FBXL13: variants seen among roughly 807,000 people sequenced by gnomAD.
FBXL13 encodes the protein F-box and leucine-rich repeat protein 13.
A neutral mutation model predicts 83.6 loss-of-function variants in FBXL13; 67 were observed. The observed-to-expected ratio is 0.80, with a 90% CI of 0.66 to 0.98. The LOEUF (loss-of-function observed/expected upper bound fraction) is 0.98, where lower values mean the gene tolerates loss of function less well. Among genes scored for constraint, FBXL13 ranks in the 50% least tolerant of loss-of-function variants. FBXL13 has a pLI of 0.00. For missense variants in FBXL13, 822 were observed against 866.5 expected, an observed-to-expected ratio of 0.95 and a Z score of 0.64; for synonymous variants, 272 against 299.5, an observed-to-expected ratio of 0.91 and a Z score of 0.95.
chr7:103,024,154 A>T (rs1793566472), intron 6 of FBXL13, among the ~76,000 whole-genome samples: 1 of 133,096 alleles, frequency 7.5e-6, no homozygotes, highest in African/African-American at 3.6e-5. Context: ...AGAGAGAGAG[A>T]GAGAGAGAGA....
chr7:102,956,657 C>T (rs958146419), intron 8 of FBXL13, among the ~76,000 whole-genome samples: 3 of 152,168 alleles, frequency 2.0e-5, no homozygotes, highest in Admixed American at 1.3e-4. Context: ...CCCAAAATCT[C>T]CTTAAGGTGA....
chr7:102,905,258 C>G (rs1470986096), intron 11 of FBXL13, among the ~76,000 whole-genome samples: 1 of 152,164 alleles, frequency 6.6e-6, no homozygotes, highest in East Asian at 1.9e-4. Flanking sequence ...CTCTCCAGCA[C>G]TAATAATATT....
At chr7:103,024,857 A>ATAT (rs1298384907) in intron 6 of FBXL13, among the ~76,000 whole-genome samples, 44 of 62,846 alleles carry the variant, frequency 7.0e-4, no homozygotes, top group African/African-American at 1.5e-3. Context: ...ATATATATAT[A>ATAT]TTTTTTTTTT....
chr7:102,830,952 A>G (rs891721682), intron 18 of FBXL13, among the ~76,000 whole-genome samples: 4 of 152,230 alleles, frequency 2.6e-5, no homozygotes, highest in Non-Finnish European at 5.9e-5. Context: ...TTTGTTCACG[A>G]TTAAGAGTGG....
rs980032044 is a variant in FBXL13, at chr7:103,029,713, A to G, written c.1-295T>C. On this transcript the variant is annotated intron_variant, in intron 2 of 19. Coordinates refer to ENST00000313221, the Ensembl canonical transcript of FBXL13. ...CATTGTTATGATAAGCTATATTTAT[A>G]ATAGTATAGAATTGCAGTTCTGCTG... is the stretch of plus-strand genomic sequence containing the variant. 2.6e-5 allele frequency among the ~76,000 whole-genome samples: 4 copies of G among 152,286 alleles called. No homozygotes were observed. In the East Asian group the frequency reaches 7.7e-4, roughly 29 times the overall value.
chr7:103,011,462 C>A (rs1186379367), intron 6 of FBXL13, among the ~76,000 whole-genome samples: 1 of 151,790 alleles, frequency 6.6e-6, no homozygotes, highest in Non-Finnish European at 1.5e-5. Context: ...TGGTGAAACC[C>A]CATCTCTACT....
chr7:102,968,049 C>A (rs759204962), exon 7 of FBXL13: 1 of 1,613,770 alleles, frequency 6.2e-7, no homozygotes, highest in East Asian at 2.2e-5. Context: ...TTAGTTGTGT[C>A]ATCAACATCC....
At chr7:103,004,971 T>C (rs1161351770) in intron 6 of FBXL13, among the ~76,000 whole-genome samples, 2 of 152,232 alleles carry the variant, frequency 1.3e-5, no homozygotes, top group South Asian at 2.1e-4. Flanking sequence ...ATTTTACATA[T>C]GCCTGTAAAT....
intron 18 of FBXL13, among the ~76,000 whole-genome samples, chr7:102,825,452 C>T (rs1333087299): frequency 6.6e-6 from 1 of 152,164 alleles, no homozygotes; most frequent in Non-Finnish European, 1.5e-5. Context: ...AGAAGGTTCT[C>T]CACCAAATGC....
intron 1 of FBXL13, among the ~76,000 whole-genome samples, chr7:103,059,454 C>T (rs1057327150): frequency 6.6e-6 from 1 of 152,060 alleles, no homozygotes; most frequent in African/African-American, 2.4e-5. Flanking sequence ...ATCACAAAAC[C>T]ATTAACTTAG....
intron 6 of FBXL13, among the ~76,000 whole-genome samples, chr7:103,024,182 A>AGAGAGAGG: frequency 7.2e-6 from 1 of 139,224 alleles, no homozygotes; most frequent in South Asian, 2.4e-4. Flanking sequence ...AGAGAGAGAG[A>AGAGAGAGG]GAGAAATAAT....
chr7:102,897,041 T>C (rs1812336562), intron 11 of FBXL13, among the ~76,000 whole-genome samples: 1 of 151,804 alleles, frequency 6.6e-6, no homozygotes, highest in Non-Finnish European at 1.5e-5. Context: ...GAGTCTAAAT[T>C]TTGAGAGAAA....
chr7:102,995,179 G>C (rs1009541958), intron 6 of FBXL13, among the ~76,000 whole-genome samples: 1 of 152,094 alleles, frequency 6.6e-6, no homozygotes, highest in African/African-American at 2.4e-5. Flanking sequence ...TGGGGTGAGA[G>C]AAGGCATTAA....
chr7:102,961,385 A>G (rs1763996328), intron 8 of FBXL13, among the ~76,000 whole-genome samples: 1 of 150,970 alleles, frequency 6.6e-6, no homozygotes, highest in South Asian at 2.1e-4. Flanking sequence ...AGGAAGAATC[A>G]ATATCGTGAA....
rs146927419 is a variant in FBXL13, at chr7:102,963,565, C to G, written c.692G>C (p.Cys231Ser). Residue 231 changes from cysteine to serine, a missense_variant, in exon 8 of 20, where the codon TGT becomes TCT. Cys to Ser is a moderately radical substitution (Grantham distance 112). Coordinates refer to ENST00000313221, the Ensembl canonical transcript of FBXL13. ...TCTGAAAGTTTTGGGTCGGAGAAGACAACCACGAAAATTCAAACGCAGCAC... is the reference window on the plus strand; with the variant it reads ...TCTGAAAGTTTTGGGTCGGAGAAGAGAACCACGAAAATTCAAACGCAGCAC... The G allele has an allele frequency of 2.5e-4, 402 of 1,612,864 alleles. 2 individuals carry two copies. The highest frequency in any genetic ancestry group is 1.3e-3 in the Admixed American group (75 of 59,744).
rs760254351 is a variant in FBXL13, at chr7:102,833,086, T to C, written c.1720-112A>G. 6.7e-5 allele frequency: 74 copies of C among 1,100,424 alleles called. No homozygotes were observed. In the Middle Eastern group the frequency reaches 1.6e-3, roughly 24 times the overall value. 68.2% of individuals were successfully genotyped at this position (1,100,424 alleles called of 1,614,324 possible). On this transcript the variant is annotated intron_variant, in intron 17 of 19. Coordinates refer to ENST00000313221, the Ensembl canonical transcript of FBXL13. ...CAGTCCCTGAAATACAGATGTTAGA[T>C]CTTGATGCCCCCAAAAAATAATTTA...
intron 17 of FBXL13, among the ~76,000 whole-genome samples, chr7:102,836,190 A>C (rs935135481): frequency 6.6e-6 from 1 of 152,220 alleles, no homozygotes; most frequent in African/African-American, 2.4e-5. Flanking sequence ...GAGGTTTTAA[A>C]TTTAAAACTA....
intron 8 of FBXL13, among the ~76,000 whole-genome samples, chr7:102,947,963 C>T (rs1822790486): frequency 6.6e-6 from 1 of 152,126 alleles, no homozygotes; most frequent in Non-Finnish European, 1.5e-5. Context: ...ACCATTCCAT[C>T]CTCTGGAGCC....
chr7:103,013,078 T>C (rs1312236158), intron 6 of FBXL13, among the ~76,000 whole-genome samples: 1 of 152,158 alleles, frequency 6.6e-6, no homozygotes, highest in Non-Finnish European at 1.5e-5. Flanking sequence ...AGGACTCAAT[T>C]CAACAAGAAG....
Sources: allele counts gnomAD v4.1 joint callset (sites outside exome capture counted in the v4.1 genomes callset), GRCh38; gene constraint gnomAD v4.1.1; transcripts MANE v1.5; gene names NCBI Gene and HGNC (gene_info 2026-07-23, HGNC 2026-07-21).